The following P2RX5 variants were observed in gnomAD, a reference collection of about 807,000 sequenced individuals.
The protein encoded by P2RX5 is P2X purinoceptor 5.
Under a neutral mutation model 54.1 loss-of-function variants are expected in P2RX5, and 46 were observed. The ratio of observed to expected loss-of-function variants is 0.85; its 90% confidence interval spans 0.67 to 1.09. The LOEUF is 1.09. Among genes scored for constraint, P2RX5 ranks in the 50% least tolerant of loss-of-function variants. The pLI, the probability that P2RX5 is intolerant of heterozygous loss-of-function variation, is 0.00. For missense variants in P2RX5, 566 were observed against 549.8 expected, an observed-to-expected ratio of 1.03 and a Z score of -0.29; for synonymous variants, 226 against 226.4, an observed-to-expected ratio of 1.00 and a Z score of 0.02.
chr17:3,692,449 TGG>T (rs977530752), intron 1 of P2RX5, among the ~76,000 whole-genome samples: 1 of 152,130 alleles, frequency 6.6e-6, no homozygotes, highest in African/African-American at 2.4e-5. Flanking sequence ...ATACATAACA[TGG>T]GGTGACAGCG....
At chr17:3,704,114 C>CAAAAA in the P2RX5 span, among the ~76,000 whole-genome samples, 2 of 61,610 alleles carry the variant, frequency 3.2e-5, no homozygotes, top group African/African-American at 6.4e-5. Context: ...AAAAAACAAA[C>CAAAAA]AAACAAAACC....
intron 2 of P2RX5, among the ~76,000 whole-genome samples, chr17:3,691,299 T>C (rs542546740): frequency 6.6e-6 from 1 of 152,180 alleles, no homozygotes. Context: ...CCTGGCCAAC[T>C]GTGAACAGGC....
Position 3,673,534 on chromosome 17 carries a change from G to C in P2RX5, c.*334C>G, listed in dbSNP as rs1864143067. The C allele has an allele frequency of 7.7e-7, 1 of 1,295,342 alleles. No individual in the cohort carries two copies. The highest frequency in any genetic ancestry group is 3.6e-5 in the East Asian group (1 of 27,984). The allele number at this position is 1,295,342 out of a possible 1,614,324, so 80.2% of individuals were successfully genotyped here. A position where few individuals can be genotyped will look rare whatever the true frequency, so the allele number is the denominator to read the frequency against. On this transcript the variant is annotated 3_prime_UTR_variant, in exon 12 of 12. Coordinates refer to ENST00000225328, the MANE Select transcript of P2RX5 (RefSeq NM_002561.4). ...ATCTAGGAACTCTACAGGGCACTGC[G>C]GTCCTTAGCTGAGGTGCTCAAGGAC...
the P2RX5 span, chr17:3,723,728 G>A: frequency 3.0e-5 from 49 of 1,606,556 alleles, no homozygotes; most frequent in African/African-American, 6.1e-4. Context: ...CTGACTCCAG[G>A]TGCACACCGT....
At chr17:3,680,873 C>CTGCATCCTCCACCCTGAGTCCTCCACCT in intron 10 of P2RX5, among the ~76,000 whole-genome samples, 1 of 86,544 alleles carries the variant, frequency 1.2e-5, no homozygotes, top group East Asian at 4.6e-4. Flanking sequence ...GTCCTCCACC[C>CTGCATCCTCCACCCTGAGTCCTCCACCT]AGTGTCCTCC....
chr17:3,689,465 A>G, intron 7 of P2RX5, 27 bp downstream of exon 7: 1 of 1,612,752 alleles, frequency 6.2e-7, no homozygotes, highest in Non-Finnish European at 8.5e-7. Context: ...GCCCTCAGGG[A>G]GGGCTCCCTG....
chr17:3,692,081 G>C, intron 1 of P2RX5: 2 of 431,582 alleles, frequency 4.6e-6, no homozygotes, highest in Non-Finnish European at 8.6e-6. Flanking sequence ...GAGGCAGGCA[G>C]ATCGCAAGGT....
chr17:3,697,265 G>A (rs1447365705), upstream of P2RX5, among the ~76,000 whole-genome samples: 3 of 152,184 alleles, frequency 2.0e-5, no homozygotes, highest in Non-Finnish European at 4.4e-5. Flanking sequence ...ACAAGAAATA[G>A]AACTGATCCA....
chr17:3,683,915 CAA>C (rs2050359240), intron 9 of P2RX5, among the ~76,000 whole-genome samples: 1 of 152,136 alleles, frequency 6.6e-6, no homozygotes, highest in Non-Finnish European at 1.5e-5. Context: ...CAGGTTTTAA[CAA>C]AAGTCACCCC....
the P2RX5 span, chr17:3,716,917 GC>G: frequency 3.2e-6 from 2 of 622,124 alleles, no homozygotes; most frequent in African/African-American, 3.7e-5. Flanking sequence ...ATTGATCAAA[GC>G]TGATGACAGT....
At chr17:3,676,188 AC>A (rs916730437) in intron 11 of P2RX5, 62 of 985,472 alleles carry the variant, frequency 6.3e-5, no homozygotes, top group Non-Finnish European at 7.2e-5. Context: ...CCTTGGGTTT[AC>A]GGGGAGACAA....
intron 1 of P2RX5, among the ~76,000 whole-genome samples, chr17:3,692,956 GAC>G (rs908228771): frequency 4.6e-5 from 7 of 152,044 alleles, no homozygotes; most frequent in Admixed American, 6.6e-5. Flanking sequence ...TGCATCAAAA[GAC>G]ACTCTCAAGA....
chr17:3,721,579 TC>T, the P2RX5 span: 1 of 152,168 alleles, frequency 6.6e-6, no homozygotes, highest in Non-Finnish European at 1.5e-5. Context: ...CACTCACAAT[TC>T]TTTTTTTTTA....
intron 11 of P2RX5, chr17:3,676,239 C>T (rs753799564): frequency 4.7e-5 from 46 of 985,312 alleles, no homozygotes; most frequent in Non-Finnish European, 4.9e-5. Context: ...CTAGTCAGCT[C>T]CCAAGCCCAA....
chr17:3,722,092 T>A, the P2RX5 span, among the ~76,000 whole-genome samples: 7 of 151,938 alleles, frequency 4.6e-5, no homozygotes, highest in Non-Finnish European at 8.8e-5. Flanking sequence ...GGCAGGAGAA[T>A]CGCTTGAACC....
At chr17:3,699,245 A>T (rs948396072), upstream of P2RX5, among the ~76,000 whole-genome samples, 7 of 152,066 alleles carry the variant, frequency 4.6e-5, no homozygotes, top group African/African-American at 1.7e-4. Context: ...AAAATAAAAA[A>T]TTAGCTGGAT....
At chr17:3,723,444 T>C in the P2RX5 span, 2 of 1,266,114 alleles carry the variant, frequency 1.6e-6, no homozygotes, top group Non-Finnish European at 2.3e-6. Flanking sequence ...GAAATCTTTT[T>C]AACACTTCGG....
At chr17:3,683,593 G>A (rs546687131) in intron 9 of P2RX5, among the ~76,000 whole-genome samples, 3 of 152,252 alleles carry the variant, frequency 2.0e-5, no homozygotes, top group African/African-American at 7.2e-5. Context: ...AACCGGGCGC[G>A]GTGGCGCACG....
intron 11 of P2RX5, among the ~76,000 whole-genome samples, chr17:3,674,477 C>G (rs1043133386): frequency 1.3e-4 from 20 of 152,254 alleles, no homozygotes; most frequent in African/African-American, 4.8e-4. Flanking sequence ...AGCTGTCAGG[C>G]GATCCCTGGC....
Sources: gnomAD v4.1 joint callset for allele counts (sites outside exome capture counted in the v4.1 genomes callset) on GRCh38, gnomAD v4.1.1 for gene constraint, MANE v1.5 for transcripts, NCBI Gene and HGNC (gene_info 2026-07-23, HGNC 2026-07-21) for gene names.